Variants in SVEP1 observed in about 807,000 individuals in gnomAD.
SVEP1 encodes the protein sushi, von Willebrand factor type A, EGF and pentraxin domain-containing protein 1.
A neutral mutation model predicts 367.3 loss-of-function variants in SVEP1; 164 were observed. The ratio of observed to expected loss-of-function variants is 0.45; its 90% CI spans 0.39 to 0.51. The LOEUF is 0.51. Ranked by LOEUF, SVEP1 falls within the 20% of genes least tolerant of loss-of-function variation. The pLI, the probability that SVEP1 is intolerant of heterozygous loss-of-function variation, is 0.00. For synonymous variants in SVEP1, 1,666 were observed against 1,611.6 expected (o/e 1.03, Z -0.81); for missense variants, 4,117 against 4,425.3 (o/e 0.93, Z 1.98).
At chr9:110,445,147 A>C (rs977940647) in intron 26 of SVEP1, among the ~76,000 whole-genome samples, 1 of 152,208 alleles carries the variant, frequency 6.6e-6, no homozygotes, top group East Asian at 1.9e-4. Flanking sequence ...TTAAAAAAGC[A>C]GTGGTTTTAA....
intron 3 of SVEP1, among the ~76,000 whole-genome samples, chr9:110,542,012 C>T (rs1407023100): frequency 6.6e-6 from 1 of 151,234 alleles, no homozygotes; most frequent in Non-Finnish European, 1.5e-5. Flanking sequence ...TAATTTAAGC[C>T]CATTTTACAG....
chr9:110,411,594 A>C lies in SVEP1; in HGVS notation c.6117T>G (p.Phe2039Leu), dbSNP rs772757220. ...HASPETAHRL[F>L]GDIAFYYCSD... Reference sequence around the variant, plus strand: ...AGCAGTAGTAGAATGCAATGTCTCCAAAGAGCCGATGGGCAGTCTCTGGAG... The same window carrying C: ...AGCAGTAGTAGAATGCAATGTCTCCCAAGAGCCGATGGGCAGTCTCTGGAG... Residue 2039 changes from phenylalanine (F) to leucine (L), a missense_variant, in exon 37 of 48, where the codon TTT (phenylalanine) becomes TTG (leucine). Around this residue, in one of 4 missense-constraint regions of SVEP1, gnomAD observed 2,174 missense variants for 2,494.3 expected, o/e 0.87. Coordinates refer to ENST00000374469, the MANE Select transcript of SVEP1 (RefSeq NM_153366.4). 1.2e-6 allele frequency: 2 copies of C among 1,613,932 alleles called. No homozygotes were observed. The highest frequency in any genetic ancestry group is 8.5e-7 in the Non-Finnish European group (1 of 1,179,878).
At chr9:110,388,097 T>C (rs1164623333) in intron 41 of SVEP1, among the ~76,000 whole-genome samples, 3 of 152,168 alleles carry the variant, frequency 2.0e-5, no homozygotes, top group South Asian at 2.1e-4. Context: ...GTCAAGGTCA[T>C]ACTGCTTGTA....
At chr9:110,481,616 G>T (rs1425739331) in intron 11 of SVEP1, among the ~76,000 whole-genome samples, 180 bp from the exon 12 acceptor site, 1 of 152,104 alleles carries the variant, frequency 6.6e-6, no homozygotes, top group Non-Finnish European at 1.5e-5. Context: ...TTCCTAGATT[G>T]ACATACATTG....
At chr9:110,455,540 T>C (rs774213692) in intron 22 of SVEP1, 50 bp downstream of exon 22, 3 of 1,364,088 alleles carry the variant, frequency 2.2e-6, no homozygotes, top group Non-Finnish European at 2.0e-6. Flanking sequence ...TGATGAAATG[T>C]TAATGATTCA....
rs145784863 is a variant in SVEP1 at position 110,503,984 on chromosome 9, C to T, written c.1304-767G>A. Among the ~76,000 whole-genome samples, 182 of 152,164 alleles carry T rather than the reference C, an allele frequency of 1.2e-3. 1 individual carries two copies. Among genetic ancestry groups the T allele is most frequent in the African/African-American group, 4.3e-3 (180 of 41,524 alleles). On this transcript the variant is annotated intron_variant, in intron 5 of 47. Transcript: ENST00000374469. The stretch of plus-strand genomic sequence containing the variant: ...ACTAATGAGAGCCCATAATATATAG[C>T]TGAGATTGAGCAGGACTTCTGGAAA...
At chr9:110,479,378 G>C (rs1829149961) in intron 13 of SVEP1, among the ~76,000 whole-genome samples, 1 of 151,882 alleles carries the variant, frequency 6.6e-6, no homozygotes, top group South Asian at 2.1e-4. Context: ...AAATAATAAA[G>C]GCATTCTCCA....
In SVEP1 at chr9:110,400,743, T is replaced by C. The variant is rs1827846313; in HGVS notation, c.9822+111A>G. 2.9e-5 allele frequency: 34 copies of C among 1,164,126 alleles called. No individual in the cohort carries two copies. The South Asian group carries it at 5.3e-4, about 18-fold the overall frequency. The allele number at this position is 1,164,126 out of a possible 1,614,324, so 72.1% of individuals were successfully genotyped here. The stretch of plus-strand genomic sequence containing the variant: ...TAGAGTATAAGGGAACAAAGTATAA[T>C]AGAATCTTTTGAGACCAAAGTCAGT... On this transcript the variant is annotated intron_variant, in intron 40 of 47. Coordinates refer to ENST00000374469, the MANE Select transcript of SVEP1 (RefSeq NM_153366.4).
chr9:110,524,699 A>ATATTATTATTAT (rs143284905), intron 3 of SVEP1, among the ~76,000 whole-genome samples: 29 of 150,282 alleles, frequency 1.9e-4, no homozygotes, highest in African/African-American at 6.8e-4. Context: ...AATCATACAA[A>ATATTATTATTAT]TGTTATTATT....
intron 38 of SVEP1, among the ~76,000 whole-genome samples, chr9:110,404,824 A>G (rs1827931564): frequency 6.6e-6 from 1 of 152,186 alleles, no homozygotes; most frequent in Non-Finnish European, 1.5e-5. Flanking sequence ...CAGGAGCTTG[A>G]GACTAGGCTG....
intron 36 of SVEP1, among the ~76,000 whole-genome samples, chr9:110,417,252 T>G (rs1351671466): frequency 7.0e-6 from 1 of 142,386 alleles, no homozygotes; most frequent in East Asian, 2.1e-4. Flanking sequence ...CAGGCCAGTG[T>G]GTGTGCGCAC....
intron 22 of SVEP1, among the ~76,000 whole-genome samples, chr9:110,454,676 C>G (rs115086112): frequency 0.011 from 1,609 of 152,276 alleles, 29 homozygotes; most frequent in African/African-American, 0.036. Context: ...GATGCAGCTG[C>G]AGGCCATTAT....
chr9:110,442,461 CTTTT>C (rs11290774), intron 27 of SVEP1: 10 of 133,454 alleles, frequency 7.5e-5, no homozygotes, highest in Non-Finnish European at 9.6e-5. Flanking sequence ...TTTCTTTTTT[CTTTT>C]TTTTTTTTTT....
At chr9:110,466,664 G>A (rs1251952318) in intron 17 of SVEP1, among the ~76,000 whole-genome samples, 1 of 144,508 alleles carries the variant, frequency 6.9e-6, no homozygotes, top group Non-Finnish European at 1.5e-5. Context: ...GGGAGGCTGA[G>A]GCAGGAGAAT....
intron 27 of SVEP1, among the ~76,000 whole-genome samples, chr9:110,442,266 C>T (rs1240244524): frequency 6.6e-6 from 1 of 152,198 alleles, no homozygotes; most frequent in African/African-American, 2.4e-5. Flanking sequence ...ACAATAAAAG[C>T]ATCTGGAGAG....
chr9:110,466,574 C>T (rs984850198), intron 17 of SVEP1, among the ~76,000 whole-genome samples: 5 of 151,336 alleles, frequency 3.3e-5, no homozygotes, highest in East Asian at 1.9e-4. Flanking sequence ...CCGGCTAAAA[C>T]GGTGAAACCC....
Position 110,407,685 on chromosome 9 carries a change from C to T in SVEP1, c.7915G>A (p.Asp2639Asn), listed in dbSNP as rs374237607. The T allele has an allele frequency of 3.6e-5, 58 of 1,613,902 alleles. No homozygotes were observed. The highest frequency in any genetic ancestry group is 5.0e-5 in the Admixed American group (3 of 60,024). Residue 2639 changes from aspartate (D) to asparagine (N), a missense_variant, in exon 38 of 48, where the codon GAC becomes AAC. Physicochemically the swap from Asp to Asn is conservative, Grantham distance 23 (BLOSUM62 1). This residue lies in a region of SVEP1 where 1,765 missense variants were observed against 1,781.1 expected (regional missense o/e 0.99). Coordinates refer to ENST00000374469, the MANE Select transcript of SVEP1 (RefSeq NM_153366.4). ...DDQGYFEQED[D>N]MMEVPYVTPH... ...GTCACATATGGAACTTCCATCATGTCGTCTTCTTGCTCAAAATATCCCTGG... is the reference window on the plus strand; with the variant it reads ...GTCACATATGGAACTTCCATCATGTTGTCTTCTTGCTCAAAATATCCCTGG...
chr9:110,534,065 G>C (rs1423928656), intron 3 of SVEP1, among the ~76,000 whole-genome samples: 2 of 152,058 alleles, frequency 1.3e-5, no homozygotes, highest in Non-Finnish European at 2.9e-5. Flanking sequence ...ACATGTGCAG[G>C]TTTGTTATAT....
chr9:110,457,362 G>C lies in SVEP1; in HGVS notation c.3577-10C>G, dbSNP rs777186067. ...AGCATTCATGGAAAACCTACCAGTA[G>C]CATAAAAAAATCAATCAGAGACAAA... On this transcript the variant is annotated splice_polypyrimidine_tract_variant and intron_variant, in intron 20 of 47. Transcript: ENST00000374469. The C allele has an allele frequency of 6.3e-7, 1 of 1,598,558 alleles. No homozygotes were observed. Among genetic ancestry groups the C allele is most frequent in the Non-Finnish European group, 8.5e-7 (1 of 1,171,318 alleles).
Sources: gnomAD v4.1 joint callset for allele counts (sites outside exome capture counted in the v4.1 genomes callset) on GRCh38, gnomAD v4.1.1 for gene constraint, gnomAD v4.1.1 regional missense constraint, MANE v1.5 for transcripts, NCBI Gene and HGNC (gene_info 2026-07-23, HGNC 2026-07-21) for gene names.